The following BMPR1B variants were observed in gnomAD, a reference collection of about 807,000 sequenced individuals.
The protein encoded by BMPR1B is bone morphogenetic protein receptor type 1B.
Under a neutral mutation model 59.1 loss-of-function variants are expected in BMPR1B, and 12 were observed. The observed-to-expected ratio is 0.20, with a 90% confidence interval of 0.13 to 0.33. BMPR1B has a LOEUF of 0.33. Among genes scored for constraint, BMPR1B ranks in the 10% least tolerant of loss-of-function variants. The probability of loss-of-function intolerance (pLI) is 1.00; values close to 1 mark genes in which losing one functional copy is unlikely to be tolerated. For synonymous variants in BMPR1B, 237 were observed against 207.3 expected, an observed-to-expected ratio of 1.14 and a Z score of -1.23; for missense variants, 550 against 610.9, an observed-to-expected ratio of 0.90 and a Z score of 1.05.
intron 2 of BMPR1B, among the ~76,000 whole-genome samples, chr4:94,978,949 TACACACACACAC>T (rs10649707): frequency 2.0e-5 from 3 of 147,696 alleles, no homozygotes; most frequent in African/African-American, 5.0e-5. Flanking sequence ...CACACATACA[TACACACACACAC>T]ACACACACAC....
chr4:95,036,442 C>T (rs1345100379), intron 3 of BMPR1B, among the ~76,000 whole-genome samples: 1 of 152,106 alleles, frequency 6.6e-6, no homozygotes, highest in Non-Finnish European at 1.5e-5. Context: ...TTTTAGCTTT[C>T]ACAAATATGT....
chr4:94,869,092 TCAAA>T (rs1339224989), intron 1 of BMPR1B, among the ~76,000 whole-genome samples: 1 of 100,222 alleles, frequency 1.0e-5, no homozygotes, highest in Non-Finnish European at 1.9e-5. Context: ...AATTTTACTA[TCAAA>T]CACACACACA....
intron 3 of BMPR1B, among the ~76,000 whole-genome samples, chr4:95,030,420 T>C (rs904651817): frequency 1.3e-4 from 20 of 152,294 alleles, no homozygotes; most frequent in Admixed American, 2.6e-4. Flanking sequence ...AAAGATCAGA[T>C]AGTTGTAGAT....
intron 1 of BMPR1B, among the ~76,000 whole-genome samples, chr4:94,772,374 AAAAG>A (rs371718969): frequency 2.2e-3 from 333 of 152,356 alleles, no homozygotes; most frequent in African/African-American, 7.5e-3. Flanking sequence ...TTACTGTAAA[AAAAG>A]AAATCTTTAG....
At chr4:95,067,845 C>T (rs1215460831) in intron 3 of BMPR1B, among the ~76,000 whole-genome samples, 4 of 151,956 alleles carry the variant, frequency 2.6e-5, no homozygotes, top group African/African-American at 4.8e-5. Context: ...ATGGAGGTCG[C>T]GGGGGCAAAC....
intron 3 of BMPR1B, among the ~76,000 whole-genome samples, chr4:95,017,658 A>T (rs575915176): frequency 6.6e-6 from 1 of 152,280 alleles, no homozygotes; most frequent in South Asian, 2.1e-4. Flanking sequence ...GTTGCCCTAA[A>T]AACTTTCCTT....
At chr4:95,041,229 A>G (rs1229063318) in intron 3 of BMPR1B, among the ~76,000 whole-genome samples, 1 of 151,908 alleles carries the variant, frequency 6.6e-6, no homozygotes, top group East Asian at 1.9e-4. Context: ...TTTTGTTTTT[A>G]GTAGCGATAA....
chr4:95,109,833 T>C (rs574147762), intron 4 of BMPR1B, among the ~76,000 whole-genome samples: 1,647 of 150,660 alleles, frequency 0.011, 17 homozygotes, highest in Middle Eastern at 0.017. Context: ...TAGCATTAGG[T>C]GTATCTCCTA....
intron 1 of BMPR1B, among the ~76,000 whole-genome samples, chr4:94,798,782 G>C (rs977645400): frequency 6.6e-6 from 1 of 151,922 alleles, no homozygotes; most frequent in Non-Finnish European, 1.5e-5. Flanking sequence ...TTTACCCCTT[G>C]AGTCTTCAGG....
Position 94,986,241 on chromosome 4 carries a change from T to C in BMPR1B, c.-112-9799T>C, listed in dbSNP as rs1721397534. ...AAAAGTTTAAGGATTTTCTTTATTC[T>C]TATGTTTTCTACTTTTACTATATTT... On this transcript the variant is annotated intron_variant, in intron 2 of 12. Transcript: ENST00000515059. Among the ~76,000 whole-genome samples, 5 of 152,202 alleles carry C rather than the reference T, an allele frequency of 3.3e-5. No individual in the cohort carries two copies. In the South Asian group the frequency reaches 1.0e-3, roughly 32 times the overall value.
At chr4:95,044,221 T>G (rs1243916419) in intron 3 of BMPR1B, among the ~76,000 whole-genome samples, 1 of 152,220 alleles carries the variant, frequency 6.6e-6, no homozygotes, top group Non-Finnish European at 1.5e-5. Flanking sequence ...CTATAGAGAA[T>G]TTTTTGAAAC....
chr4:94,807,885 A>G (rs1416596977), intron 1 of BMPR1B, among the ~76,000 whole-genome samples: 2 of 152,042 alleles, frequency 1.3e-5, no homozygotes, highest in South Asian at 2.1e-4. Flanking sequence ...AGGTTTTTCC[A>G]TGTTGGCCAG....
chr4:94,843,156 A>G (rs1463980696), intron 1 of BMPR1B, among the ~76,000 whole-genome samples: 1 of 152,254 alleles, frequency 6.6e-6, no homozygotes, highest in African/African-American at 2.4e-5. Flanking sequence ...ATAGTTAGTA[A>G]ATACTCAAGC....
intron 2 of BMPR1B, among the ~76,000 whole-genome samples, chr4:94,885,650 G>A (rs1727143882): frequency 6.6e-6 from 1 of 152,064 alleles, no homozygotes; most frequent in African/African-American, 2.4e-5. Flanking sequence ...AAAAGGACAT[G>A]ACTTCCATTT....
At chr4:94,862,065 G>C (rs1207553900) in intron 1 of BMPR1B, among the ~76,000 whole-genome samples, 2 of 151,272 alleles carry the variant, frequency 1.3e-5, no homozygotes, top group African/African-American at 2.4e-5. Context: ...CACAGTACCT[G>C]TCAACCAACA....
intron 1 of BMPR1B, among the ~76,000 whole-genome samples, chr4:94,799,373 G>A (rs961479112): frequency 3.3e-5 from 5 of 150,262 alleles, no homozygotes; most frequent in African/African-American, 7.4e-5. Flanking sequence ...GCGCAATCTC[G>A]GCTCACTGCA....
chr4:94,849,080 T>C (rs1439727332), intron 1 of BMPR1B, among the ~76,000 whole-genome samples: 2 of 152,166 alleles, frequency 1.3e-5, no homozygotes, highest in Non-Finnish European at 2.9e-5. Flanking sequence ...AGGTTTTACC[T>C]AAAGCCACTA....
chr4:94,984,915 T>A (rs1721307857), intron 2 of BMPR1B, among the ~76,000 whole-genome samples: 1 of 152,210 alleles, frequency 6.6e-6, no homozygotes, highest in Non-Finnish European at 1.5e-5. Flanking sequence ...TTCTTTTAAT[T>A]TGAATCTGCA....
chr4:94,772,039 C>T (rs1014262782), intron 1 of BMPR1B, among the ~76,000 whole-genome samples: 1 of 152,230 alleles, frequency 6.6e-6, no homozygotes, highest in East Asian at 1.9e-4. Context: ...CTTGTAACTC[C>T]TGTGATTAAA....
Sources: gnomAD v4.1 joint callset for allele counts (sites outside exome capture counted in the v4.1 genomes callset) on GRCh38, gnomAD v4.1.1 for gene constraint, MANE v1.5 for transcripts, NCBI Gene and HGNC (gene_info 2026-07-23, HGNC 2026-07-21) for gene names.